MGAT4C: variants seen among roughly 807,000 people sequenced by gnomAD.
The protein encoded by MGAT4C is alpha-1,3-mannosyl-glycoprotein 4-beta-N-acetylglucosaminyltransferase C.
Under a neutral mutation model 40.1 loss-of-function variants are expected in MGAT4C, and 19 were observed. The observed-to-expected ratio is 0.47, with a 90% CI of 0.33 to 0.70. The LOEUF is 0.70. Ranked by LOEUF, MGAT4C falls within the 30% of genes least tolerant of loss-of-function variation. The probability of loss-of-function intolerance (pLI) is 0.02; values close to 1 mark genes in which losing one functional copy is unlikely to be tolerated. For synonymous variants in MGAT4C, 181 were observed against 187.1 expected, an observed-to-expected ratio of 0.97 and a Z score of 0.27; for missense variants, 491 against 563.2, an observed-to-expected ratio of 0.87 and a Z score of 1.30.
intron 2 of MGAT4C, among the ~76,000 whole-genome samples, chr12:86,717,851 A>C (rs1950671477): frequency 6.6e-6 from 1 of 152,186 alleles, no homozygotes; most frequent in East Asian, 1.9e-4. Context: ...TTGTTTCAAT[A>C]CTGTTTCTAC....
intron 2 of MGAT4C, among the ~76,000 whole-genome samples, chr12:86,045,589 T>A (rs771013819): frequency 6.6e-6 from 1 of 152,236 alleles, no homozygotes; most frequent in African/African-American, 2.4e-5. Flanking sequence ...CCCAAATTTT[T>A]ATCACTAAAT....
chr12:86,184,911 C>T (rs758613521), intron 1 of MGAT4C, among the ~76,000 whole-genome samples: 23 of 152,110 alleles, frequency 1.5e-4, no homozygotes, highest in African/African-American at 5.1e-4. Context: ...TGGATATTCC[C>T]GTCAGCCTAC....
At chr12:86,172,289 C>T (rs1268816276) in intron 1 of MGAT4C, among the ~76,000 whole-genome samples, 1 of 152,006 alleles carries the variant, frequency 6.6e-6, no homozygotes, top group African/African-American at 2.4e-5. Flanking sequence ...TTATTTTCAC[C>T]AAGCTAAATT....
chr12:86,442,535 A>G (rs1957251963), intron 2 of MGAT4C, among the ~76,000 whole-genome samples: 1 of 152,106 alleles, frequency 6.6e-6, no homozygotes, highest in African/African-American at 2.4e-5. Flanking sequence ...GGTGTAAGGA[A>G]GGGATCCAGT....
At chr12:86,621,269 G>A (rs1962627450) in intron 2 of MGAT4C, among the ~76,000 whole-genome samples, 1 of 152,110 alleles carries the variant, frequency 6.6e-6, no homozygotes, top group African/African-American at 2.4e-5. Flanking sequence ...TAGGGTGAAT[G>A]TATCCTCCTA....
chr12:86,544,383 T>C (rs183521787), intron 2 of MGAT4C, among the ~76,000 whole-genome samples: 1 of 152,310 alleles, frequency 6.6e-6, no homozygotes, highest in Non-Finnish European at 1.5e-5. Context: ...CAAAGCAATA[T>C]ATATGTTCTT....
intron 3 of MGAT4C, among the ~76,000 whole-genome samples, chr12:86,427,478 A>T (rs1592834247): frequency 2.0e-5 from 3 of 152,074 alleles, no homozygotes; most frequent in Non-Finnish European, 2.9e-5. Context: ...TGTTTAAATT[A>T]TAGAATTATT....
At chr12:86,478,033 T>A (rs1957870822) in intron 2 of MGAT4C, among the ~76,000 whole-genome samples, 1 of 152,158 alleles carries the variant, frequency 6.6e-6, no homozygotes, top group Admixed American at 6.6e-5. Flanking sequence ...AGAAATTTTG[T>A]TTATAATTTT....
intron 2 of MGAT4C, among the ~76,000 whole-genome samples, chr12:86,626,763 G>A (rs1593056838): frequency 6.6e-6 from 1 of 152,224 alleles, no homozygotes; most frequent in Non-Finnish European, 1.5e-5. Context: ...CAAGGTGGCA[G>A]AATAGGAATA....
In MGAT4C at chr12:86,117,698, C is replaced by T. The variant is rs187588086; in HGVS notation, c.-56-67975G>A. Among the ~76,000 whole-genome samples the T allele has an allele frequency of 8.0e-4, 122 of 152,220 alleles. 2 individuals carry two copies. The highest frequency in any genetic ancestry group is 2.9e-3 in the African/African-American group (120 of 41,530). ...GGCATCATTGAGAAGGAGAGAGTGG[C>T]TGATTTCTAGAAACTGGGGTTAAGA... On this transcript the variant is annotated intron_variant, in intron 1 of 4. Coordinates refer to ENST00000611864, the MANE Select transcript of MGAT4C (RefSeq NM_001351288.2).
intron 1 of MGAT4C, among the ~76,000 whole-genome samples, chr12:86,107,231 C>A (rs73379431): frequency 0.035 from 5,262 of 152,196 alleles, 292 homozygotes; most frequent in East Asian, 0.28. Context: ...GTACTTTAAA[C>A]ATTCTTGTTT....
At chr12:86,643,725 T>C (rs972217686) in intron 2 of MGAT4C, among the ~76,000 whole-genome samples, 1 of 151,840 alleles carries the variant, frequency 6.6e-6, no homozygotes, top group African/African-American at 2.4e-5. Context: ...CTGGTTTCTT[T>C]TGGGTTAATG....
At chr12:86,696,649 T>C (rs1051661283) in intron 2 of MGAT4C, among the ~76,000 whole-genome samples, 1 of 152,208 alleles carries the variant, frequency 6.6e-6, no homozygotes, top group African/African-American at 2.4e-5. Flanking sequence ...GTTTTTGCAT[T>C]AATCTTAAAT....
chr12:86,738,870 A>T (rs1278322770), intron 1 of MGAT4C, among the ~76,000 whole-genome samples: 1 of 150,978 alleles, frequency 6.6e-6, no homozygotes, highest in Non-Finnish European at 1.5e-5. Flanking sequence ...TGAACACAAA[A>T]GCCCGTTTAT....
At chr12:86,394,623 T>TAC (rs1033137280) in intron 3 of MGAT4C, among the ~76,000 whole-genome samples, 26 of 144,580 alleles carry the variant, frequency 1.8e-4, no homozygotes, top group Non-Finnish European at 3.3e-4. Flanking sequence ...ACTTTATATA[T>TAC]ATATATATAT....
intron 2 of MGAT4C, among the ~76,000 whole-genome samples, chr12:86,549,268 TTAAA>T (rs1374273763): frequency 1.3e-5 from 2 of 152,148 alleles, no homozygotes; most frequent in South Asian, 2.1e-4. Flanking sequence ...TATATAATTT[TTAAA>T]TAAATAAATA....
chr12:86,246,992 T>C (rs966033959), intron 1 of MGAT4C, among the ~76,000 whole-genome samples: 9 of 152,212 alleles, frequency 5.9e-5, no homozygotes, highest in African/African-American at 1.7e-4. Context: ...GCATCAGTTA[T>C]ACCCTGGTAC....
At chr12:86,603,230 A>G (rs1296537214) in intron 2 of MGAT4C, among the ~76,000 whole-genome samples, 2 of 144,492 alleles carry the variant, frequency 1.4e-5, no homozygotes, top group South Asian at 2.1e-4. Flanking sequence ...AATATAATAT[A>G]ATATATTATA....
intron 3 of MGAT4C, among the ~76,000 whole-genome samples, chr12:86,366,966 A>T (rs925427085): frequency 6.6e-5 from 10 of 152,164 alleles, no homozygotes; most frequent in African/African-American, 2.4e-4. Context: ...GATAAATAGC[A>T]TCTACAAAAG....
Sources: allele counts gnomAD v4.1 joint callset (sites outside exome capture counted in the v4.1 genomes callset), GRCh38; gene constraint gnomAD v4.1.1; transcripts MANE v1.5; gene names NCBI Gene and HGNC (gene_info 2026-07-23, HGNC 2026-07-21).